Variants in NRG3 observed in about 807,000 individuals in gnomAD.
NRG3 encodes the protein pro-neuregulin-3, membrane-bound isoform.
A neutral mutation model predicts 66.9 loss-of-function variants in NRG3; 31 were observed. The observed-to-expected ratio is 0.46, with a 90% CI of 0.35 to 0.63. The LOEUF is 0.63. Ranked by LOEUF, NRG3 falls within the 20% of genes least tolerant of loss-of-function variation. The pLI is 0.00. For missense variants in NRG3, 910 were observed against 878.9 expected, an observed-to-expected ratio of 1.04 and a Z score of -0.45; for synonymous variants, 393 against 359.4, an observed-to-expected ratio of 1.09 and a Z score of -1.06.
chr10:81,916,908 A>G (rs1471236714), intron 1 of NRG3, among the ~76,000 whole-genome samples: 1 of 152,188 alleles, frequency 6.6e-6, no homozygotes, highest in African/African-American at 2.4e-5. Flanking sequence ...CACTATTATT[A>G]TCTCCATTAA....
intron 4 of NRG3, among the ~76,000 whole-genome samples, chr10:82,933,934 A>G (rs1313338134): frequency 1.3e-5 from 2 of 152,178 alleles, no homozygotes; most frequent in African/African-American, 4.8e-5. Flanking sequence ...TGAAAAGATA[A>G]TGGTCTTGAG....
At chr10:81,917,062 CAA>C (rs886179756) in intron 1 of NRG3, among the ~76,000 whole-genome samples, 3 of 152,104 alleles carry the variant, frequency 2.0e-5, no homozygotes, top group African/African-American at 7.2e-5. Context: ...TCAAATTAGA[CAA>C]TACCATGGCT....
chr10:82,367,112 G>C (rs945048875), intron 2 of NRG3, among the ~76,000 whole-genome samples: 1 of 152,052 alleles, frequency 6.6e-6, no homozygotes, highest in Non-Finnish European at 1.5e-5. Context: ...GCTTGTTTAT[G>C]TATAACTATT....
At chr10:82,190,427 A>G (rs1328240821) in intron 1 of NRG3, among the ~76,000 whole-genome samples, 2 of 152,176 alleles carry the variant, frequency 1.3e-5, no homozygotes, top group African/African-American at 2.4e-5. Flanking sequence ...TATAAAATGT[A>G]TGGTGTTTTA....
At chr10:82,147,137 A>G (rs1590293341) in intron 1 of NRG3, among the ~76,000 whole-genome samples, 1 of 152,190 alleles carries the variant, frequency 6.6e-6, no homozygotes, top group African/African-American at 2.4e-5. Context: ...TGGAGTAAGC[A>G]GATACCAAGA....
At chr10:82,707,006 TA>T (rs2056340112) in intron 2 of NRG3, among the ~76,000 whole-genome samples, 2 of 111,834 alleles carry the variant, frequency 1.8e-5, no homozygotes, top group Middle Eastern at 4.1e-3. Context: ...AAAAAAAAAA[TA>T]AAATAAAATA....
intron 2 of NRG3, among the ~76,000 whole-genome samples, chr10:82,613,177 T>C (rs2133524015): frequency 6.6e-6 from 1 of 152,300 alleles, no homozygotes; most frequent in Admixed American, 6.5e-5. Flanking sequence ...GAGATGGCAG[T>C]TCAAGAAGTA....
chr10:81,939,970 T>C (rs1848263197), intron 1 of NRG3, among the ~76,000 whole-genome samples: 1 of 152,098 alleles, frequency 6.6e-6, no homozygotes, highest in South Asian at 2.1e-4. Context: ...TATGCTGTGT[T>C]TTCATTGTAA....
chr10:82,256,914 G>T (rs1279178116), intron 1 of NRG3, among the ~76,000 whole-genome samples: 1 of 152,182 alleles, frequency 6.6e-6, no homozygotes, highest in Non-Finnish European at 1.5e-5. Flanking sequence ...TCTAGGAAAT[G>T]ACTTCCTGCA....
At chr10:82,226,540 A>G (rs2076170749) in intron 1 of NRG3, among the ~76,000 whole-genome samples, 2 of 152,128 alleles carry the variant, frequency 1.3e-5, no homozygotes, top group Admixed American at 1.3e-4. Context: ...GTTTTTGTTT[A>G]TTATATTAAA....
At chr10:82,964,774 T>G (rs1173734411) in intron 6 of NRG3, among the ~76,000 whole-genome samples, 1 of 152,360 alleles carries the variant, frequency 6.6e-6, no homozygotes, top group East Asian at 1.9e-4. Context: ...TTTTATTGCC[T>G]AGGGTTCCAG....
chr10:82,362,568 T>TG (rs1308722496), intron 2 of NRG3, among the ~76,000 whole-genome samples: 2 of 148,520 alleles, frequency 1.3e-5, no homozygotes, highest in Non-Finnish European at 1.5e-5. Context: ...TTTTTTTTTT[T>TG]TCGTAGAAAT....
intron 1 of NRG3, among the ~76,000 whole-genome samples, chr10:81,882,042 AT>A (rs1385354816): frequency 6.6e-6 from 1 of 152,250 alleles, no homozygotes; most frequent in Non-Finnish European, 1.5e-5. Context: ...AACTACAATT[AT>A]CTTTCATTTC....
intron 1 of NRG3, among the ~76,000 whole-genome samples, chr10:82,115,555 G>T (rs1048619230): frequency 6.6e-6 from 1 of 152,048 alleles, no homozygotes; most frequent in Non-Finnish European, 1.5e-5. Context: ...TGAGGCCTTT[G>T]GTTCCCTTAC....
At position 82,890,732 on chromosome 10, in the gene NRG3, C is replaced by T. The variant is rs1361075590; in HGVS notation, c.1054+25295C>T. On this transcript the variant is annotated intron_variant, in intron 4 of 8. Transcript: ENST00000372141. ...TTTTGTTGTTTTGTCCTTTGGTTTT[C>T]CAACATTGTTAAACCGATTTACATT... Among the ~76,000 whole-genome samples the T allele has an allele frequency of 3.3e-5, 5 of 152,160 alleles. No individual in the cohort carries two copies. The East Asian group carries it at 9.6e-4, about 29-fold the overall frequency.
At chr10:82,462,056 G>A (rs1387161738) in intron 2 of NRG3, among the ~76,000 whole-genome samples, 6 of 152,118 alleles carry the variant, frequency 3.9e-5, no homozygotes, top group East Asian at 1.9e-4. Flanking sequence ...GTTTGAACCC[G>A]GGAGGCGGAG....
chr10:82,631,429 A>G (rs1349682814), intron 2 of NRG3, among the ~76,000 whole-genome samples: 1 of 152,140 alleles, frequency 6.6e-6, no homozygotes, highest in Non-Finnish European at 1.5e-5. Context: ...CCTTGGGTCT[A>G]GTTCGGGATT....
chr10:82,384,213 GTTTTTC>G lies in NRG3; in HGVS notation c.953+25353_953+25358del, dbSNP rs549045348. Among the ~76,000 whole-genome samples, 1,088 of 151,118 alleles carry G rather than the reference GTTTTTC, an allele frequency of 7.2e-3. 7 individuals are homozygous for G. Among genetic ancestry groups the G allele is most frequent in the Middle Eastern group, 0.054 (15 of 280 alleles). On this transcript the variant is annotated intron_variant, in intron 2 of 8. Transcript: ENST00000372141. ...TGAAAAATGTCTTTAAGTTGTTTGG[GTTTTTC>G]TTTTTCTCTAAATGCAAAACTTGAA...
chr10:81,960,439 T>A (rs985274647), intron 1 of NRG3, among the ~76,000 whole-genome samples: 2 of 152,140 alleles, frequency 1.3e-5, no homozygotes, highest in African/African-American at 2.4e-5. Context: ...TAGTTTGCAT[T>A]TTCTGATTTC....
Sources: allele counts gnomAD v4.1 joint callset (sites outside exome capture counted in the v4.1 genomes callset), GRCh38; gene constraint gnomAD v4.1.1; transcripts MANE v1.5; gene names NCBI Gene and HGNC (gene_info 2026-07-23, HGNC 2026-07-21).